CACNA2D1: variants seen among roughly 807,000 people sequenced by gnomAD.
CACNA2D1 encodes voltage-dependent calcium channel subunit alpha-2/delta-1.
In CACNA2D1, 53 loss-of-function variants were observed where a neutral mutation model predicts 171.5. The observed-to-expected ratio is 0.31, with a 90% CI of 0.25 to 0.39. The LOEUF is 0.39. Among genes scored for constraint, CACNA2D1 ranks in the 10% least tolerant of loss-of-function variants. The pLI, the probability that CACNA2D1 is intolerant of heterozygous loss-of-function variation, is 1.00. For missense variants in CACNA2D1, 903 were observed against 1,299.8 expected (o/e 0.69, Z 4.69); for synonymous variants, 442 against 443.1 (o/e 1.00, Z 0.03).
At chr7:82,066,807 A>T (rs1807686959) in intron 7 of CACNA2D1, among the ~76,000 whole-genome samples, 1 of 152,124 alleles carries the variant, frequency 6.6e-6, no homozygotes, top group African/African-American at 2.4e-5. Flanking sequence ...AATATGTTTT[A>T]GTAGGTGTCC....
Position 82,426,541 on chromosome 7 carries a change from T to A in CACNA2D1, c.95+16824A>T, listed in dbSNP as rs1829206979. 2.0e-5 allele frequency among the ~76,000 whole-genome samples: 3 copies of A among 152,318 alleles called. No individual in the cohort carries two copies. In the South Asian group the frequency reaches 6.2e-4, roughly 32 times the overall value. The stretch of plus-strand genomic sequence containing the variant: ...TACATTTATTACTCAAGGTAAACCA[T>A]GATGATATGTGTGTTGCTCATCTTA... On this transcript the variant is annotated intron_variant, in intron 1 of 38. Coordinates refer to ENST00000356860, the MANE Select transcript of CACNA2D1 (RefSeq NM_000722.4).
intron 10 of CACNA2D1, among the ~76,000 whole-genome samples, chr7:82,053,440 TATTA>T (rs1805452021): frequency 6.6e-6 from 1 of 151,672 alleles, no homozygotes; most frequent in African/African-American, 2.4e-5. Context: ...CATAAAAATG[TATTA>T]ATGATTATTT....
intron 3 of CACNA2D1, among the ~76,000 whole-genome samples, chr7:82,245,995 T>G (rs1045157736): frequency 6.6e-6 from 1 of 152,050 alleles, no homozygotes; most frequent in African/African-American, 2.4e-5. Flanking sequence ...TAGAGATCAT[T>G]TGTATTCTGT....
chr7:82,046,538 A>T (rs1173863127), intron 10 of CACNA2D1, among the ~76,000 whole-genome samples: 2 of 152,180 alleles, frequency 1.3e-5, no homozygotes, highest in Non-Finnish European at 2.9e-5. Context: ...TTACAGCCAA[A>T]ACTGATTCAA....
intron 14 of CACNA2D1, among the ~76,000 whole-genome samples, chr7:82,013,064 G>A (rs554833311): frequency 3.3e-5 from 5 of 151,872 alleles, no homozygotes; most frequent in Admixed American, 6.6e-5. Context: ...TTCCAACTAG[G>A]TCCCTGTAAA....
chr7:82,384,593 A>C (rs1405238700), intron 1 of CACNA2D1, among the ~76,000 whole-genome samples: 1 of 148,214 alleles, frequency 6.7e-6, no homozygotes, highest in Non-Finnish European at 1.5e-5. Flanking sequence ...TCACTGGTAA[A>C]GGAGAAGTGA....
chr7:82,058,007 C>T (rs1398511709), intron 10 of CACNA2D1, among the ~76,000 whole-genome samples: 1 of 152,110 alleles, frequency 6.6e-6, no homozygotes, highest in Non-Finnish European at 1.5e-5. Flanking sequence ...CTTCTAACTA[C>T]CAGCACCTAC....
chr7:81,983,108 GA>G (rs1562819174), intron 23 of CACNA2D1, among the ~76,000 whole-genome samples: 2 of 152,050 alleles, frequency 1.3e-5, no homozygotes, highest in African/African-American at 4.8e-5. Context: ...TTAAGTCCAA[GA>G]AAAAAACTTG....
intron 3 of CACNA2D1, among the ~76,000 whole-genome samples, chr7:82,221,926 T>G (rs942993751): frequency 6.6e-6 from 1 of 151,886 alleles, no homozygotes; most frequent in African/African-American, 2.4e-5. Flanking sequence ...GCAGCTTTTG[T>G]GACTAGTCTA....
At chr7:82,194,146 A>G (rs1798616612) in intron 3 of CACNA2D1, among the ~76,000 whole-genome samples, 2 of 152,006 alleles carry the variant, frequency 1.3e-5, no homozygotes, top group African/African-American at 4.8e-5. Flanking sequence ...GTATTTCTAC[A>G]TGAGTTGGCA....
intron 3 of CACNA2D1, among the ~76,000 whole-genome samples, chr7:82,270,232 T>C (rs1369603527): frequency 6.6e-6 from 1 of 152,156 alleles, no homozygotes; most frequent in Non-Finnish European, 1.5e-5. Context: ...TGCTCTTGAG[T>C]CATTGGCTAT....
At chr7:82,158,782 G>A (rs1794632610) in intron 4 of CACNA2D1, among the ~76,000 whole-genome samples, 1 of 151,812 alleles carries the variant, frequency 6.6e-6, no homozygotes, top group African/African-American at 2.4e-5. Context: ...TTGGCTGGAG[G>A]TCCTACTTAT....
At chr7:81,985,600 C>A (rs191204087) in intron 21 of CACNA2D1, among the ~76,000 whole-genome samples, 2 of 152,276 alleles carry the variant, frequency 1.3e-5, no homozygotes, top group Admixed American at 6.5e-5. Context: ...TACTCATAGG[C>A]AAATTCAGAT....
intron 4 of CACNA2D1, among the ~76,000 whole-genome samples, chr7:82,139,089 G>A (rs1792051519): frequency 6.6e-6 from 1 of 152,084 alleles, no homozygotes; most frequent in South Asian, 2.1e-4. Flanking sequence ...TGCACACACT[G>A]TTGTGCCAAG....
At chr7:81,983,367 A>T in intron 22 of CACNA2D1, 33 bp from the exon 23 acceptor site, 1 of 1,587,000 alleles carries the variant, frequency 6.3e-7, no homozygotes, top group Non-Finnish European at 8.6e-7. Context: ...GAAAGCAGGG[A>T]AACAAAAAAA....
intron 20 of CACNA2D1, among the ~76,000 whole-genome samples, chr7:81,991,991 C>G (rs980056851): frequency 7.0e-6 from 1 of 141,916 alleles, no homozygotes; most frequent in Non-Finnish European, 1.5e-5. Context: ...CCTGCCACCA[C>G]GCCTGGCTCA....
chr7:82,237,806 G>T (rs998692244), intron 3 of CACNA2D1, among the ~76,000 whole-genome samples: 2 of 151,892 alleles, frequency 1.3e-5, no homozygotes, highest in South Asian at 4.1e-4. Context: ...AAAAGAATCA[G>T]ATACAAAGGC....
At chr7:82,020,915 C>T (rs1801115649) in intron 12 of CACNA2D1, 1 of 152,078 alleles carries the variant, frequency 6.6e-6, no homozygotes, top group African/African-American at 2.4e-5. Context: ...TTATAAACGG[C>T]AACAAAGTGC....
intron 36 of CACNA2D1, among the ~76,000 whole-genome samples, chr7:81,960,402 A>G (rs932177057): frequency 6.6e-6 from 1 of 152,082 alleles, no homozygotes; most frequent in African/African-American, 2.4e-5. Context: ...TAATTAATTT[A>G]ACTGTAATTG....
Sources: allele counts gnomAD v4.1 joint callset (sites outside exome capture counted in the v4.1 genomes callset), GRCh38; gene constraint gnomAD v4.1.1; transcripts MANE v1.5; gene names NCBI Gene and HGNC (gene_info 2026-07-23, HGNC 2026-07-21).